Variants in METTL15 observed in about 807,000 individuals in gnomAD.
METTL15 encodes the protein methyltransferase 15, mitochondrial 12S rRNA N4-cytidine, also known as 12S rRNA N(4)-cytidine methyltransferase METTL15.
METTL15 carries 34 observed loss-of-function variants against 38.3 expected under a neutral mutation model. The observed-to-expected ratio is 0.89, with a 90% CI of 0.68 to 1.18. METTL15 has a LOEUF of 1.18. Ranked by LOEUF, METTL15 falls within the 50% of genes most tolerant of loss-of-function variation. The probability of loss-of-function intolerance (pLI) is 0.00; values close to 1 mark genes in which losing one functional copy is unlikely to be tolerated. For synonymous variants in METTL15, 162 were observed against 170.9 expected (o/e 0.95, Z 0.41); for missense variants, 438 against 498.4 (o/e 0.88, Z 1.15).
intron 4 of METTL15, among the ~76,000 whole-genome samples, chr11:28,242,485 C>A (rs1854342043): frequency 6.6e-6 from 1 of 152,018 alleles, no homozygotes; most frequent in African/African-American, 2.4e-5. Context: ...AACATCATTC[C>A]TAGAATATAA....
chr11:28,352,871 A>G (rs914420711), intron 4 of METTL15, among the ~76,000 whole-genome samples: 4 of 152,234 alleles, frequency 2.6e-5, no homozygotes, highest in African/African-American at 7.2e-5. Flanking sequence ...TGATCACATC[A>G]AAATATATAT....
At chr11:28,379,799 A>T (rs1215639651) in intron 5 of METTL15, among the ~76,000 whole-genome samples, 1 of 151,996 alleles carries the variant, frequency 6.6e-6, no homozygotes, top group African/African-American at 2.4e-5. Flanking sequence ...TCCCTTACTG[A>T]GCGTGGATTG....
chr11:28,195,259 G>C (rs1266902919), intron 3 of METTL15, among the ~76,000 whole-genome samples: 1 of 152,024 alleles, frequency 6.6e-6, no homozygotes, highest in Non-Finnish European at 1.5e-5. Flanking sequence ...TTGAATGGTA[G>C]ATCTACTTTT....
chr11:28,300,275 C>G (rs1195931414), intron 6 of METTL15, among the ~76,000 whole-genome samples: 2 of 152,080 alleles, frequency 1.3e-5, no homozygotes, highest in Admixed American at 6.6e-5. Flanking sequence ...TCAAAACTAT[C>G]AAGCACTCTA....
chr11:28,294,171 G>T (rs1362571107), intron 5 of METTL15, among the ~76,000 whole-genome samples: 3 of 152,204 alleles, frequency 2.0e-5, no homozygotes, highest in Non-Finnish European at 2.9e-5. Flanking sequence ...TGCCCATTCA[G>T]TATGATATTG....
At chr11:28,113,651 T>C (rs369071472) in intron 3 of METTL15, 47 bp downstream of exon 3, 14 of 1,575,962 alleles carry the variant, frequency 8.9e-6, no homozygotes, top group Non-Finnish European at 1.2e-5. Flanking sequence ...GAGATAAAAT[T>C]CACTTATTGT....
chr11:28,351,205 G>A (rs958414712), intron 3 of METTL15, among the ~76,000 whole-genome samples: 2 of 152,060 alleles, frequency 1.3e-5, no homozygotes, highest in African/African-American at 4.8e-5. Context: ...TTCACTTCCC[G>A]GGTTCAAGCT....
chr11:28,412,267 A>C (rs940791142), intron 5 of METTL15, among the ~76,000 whole-genome samples: 1 of 152,004 alleles, frequency 6.6e-6, no homozygotes, highest in Non-Finnish European at 1.5e-5. Flanking sequence ...AGATGAAATT[A>C]CCACCTCATA....
chr11:28,400,776 G>A (rs1024703619), intron 5 of METTL15, among the ~76,000 whole-genome samples: 1 of 151,894 alleles, frequency 6.6e-6, no homozygotes, highest in Non-Finnish European at 1.5e-5. Flanking sequence ...ATTTAGATGG[G>A]TCTCATAATG....
chr11:28,373,227 A>G (rs1483150006), intron 5 of METTL15, among the ~76,000 whole-genome samples: 1 of 152,124 alleles, frequency 6.6e-6, no homozygotes, highest in East Asian at 1.9e-4. Context: ...ACTAGTTTAC[A>G]GTCCCACCAA....
At chr11:28,253,995 C>T (rs556837853) in intron 4 of METTL15, among the ~76,000 whole-genome samples, 3 of 152,080 alleles carry the variant, frequency 2.0e-5, no homozygotes, top group African/African-American at 7.2e-5. Flanking sequence ...TGGGTATATA[C>T]CCAGCAGTGA....
Position 28,168,882 on chromosome 11 carries a change from G to T in METTL15, c.271-42180G>T, listed in dbSNP as rs75513883. On this transcript the variant is annotated intron_variant, in intron 3 of 6. Coordinates refer to ENST00000407364, the MANE Select transcript of METTL15 (RefSeq NM_001113528.2). ...GACACTGAAAACAGAGGGCAATTCA[G>T]GGAAGCCAGAGCGTAAGACAGAAGA... Among the ~76,000 whole-genome samples the T allele has an allele frequency of 2.8e-4, 42 of 152,234 alleles. No homozygotes were observed. In the East Asian group the frequency reaches 7.7e-3, roughly 28 times the overall value.
chr11:28,430,751 G>T (rs1324053336), intron 6 of METTL15, among the ~76,000 whole-genome samples: 7 of 112,314 alleles, frequency 6.2e-5, no homozygotes, highest in Non-Finnish European at 1.1e-4. Flanking sequence ...CGCCTGGCCA[G>T]CCGCCCCGTC....
intron 6 of METTL15, among the ~76,000 whole-genome samples, chr11:28,467,273 C>T (rs1051630975): frequency 6.6e-6 from 1 of 152,124 alleles, no homozygotes; most frequent in Non-Finnish European, 1.5e-5. Flanking sequence ...AGGGTAGTGG[C>T]AACAGAAACA....
At chr11:28,377,561 T>C (rs1368129600) in intron 5 of METTL15, among the ~76,000 whole-genome samples, 1 of 151,488 alleles carries the variant, frequency 6.6e-6, no homozygotes. Flanking sequence ...TACATTCTTC[T>C]AAATTTTTTT....
At chr11:28,298,110 A>G (rs1856800464) in intron 6 of METTL15, among the ~76,000 whole-genome samples, 1 of 152,086 alleles carries the variant, frequency 6.6e-6, no homozygotes, top group Admixed American at 6.6e-5. Context: ...GTTTAAGAGC[A>G]GAATTCTTGT....
At chr11:28,363,987 C>G (rs1013451312) in intron 5 of METTL15, among the ~76,000 whole-genome samples, 4 of 152,074 alleles carry the variant, frequency 2.6e-5, no homozygotes, top group Admixed American at 1.3e-4. Context: ...GGTCCAATGG[C>G]TGTAGGTCTG....
intron 4 of METTL15, among the ~76,000 whole-genome samples, chr11:28,276,665 T>A (rs1855854054): frequency 6.6e-6 from 1 of 152,122 alleles, no homozygotes; most frequent in Admixed American, 6.6e-5. Context: ...GTTAGAGGCA[T>A]CACATTACCT....
intron 3 of METTL15, chr11:28,125,510 T>C (rs535559897): frequency 2.0e-5 from 3 of 152,072 alleles, no homozygotes; most frequent in Non-Finnish European, 4.4e-5. Flanking sequence ...TTTATTTCAG[T>C]GTATTCTATT....
Sources: allele counts gnomAD v4.1 joint callset (sites outside exome capture counted in the v4.1 genomes callset), GRCh38; gene constraint gnomAD v4.1.1; transcripts MANE v1.5; gene names NCBI Gene and HGNC (gene_info 2026-07-23, HGNC 2026-07-21).